The following SLC7A1 variants were observed in gnomAD, a reference collection of about 807,000 sequenced individuals.
SLC7A1 encodes solute carrier family 7 member 1.
A neutral mutation model predicts 53.9 loss-of-function variants in SLC7A1; 10 were observed. The observed-to-expected ratio is 0.19, with a 90% CI of 0.11 to 0.31. The LOEUF (loss-of-function observed/expected upper bound fraction) is 0.31, where lower values mean the gene tolerates loss of function less well. Ranked by LOEUF, SLC7A1 falls within the 10% of genes least tolerant of loss-of-function variation. The pLI is 1.00. For synonymous variants in SLC7A1, 342 were observed against 338.7 expected, an observed-to-expected ratio of 1.01 and a Z score of -0.11; for missense variants, 525 against 827.2, an observed-to-expected ratio of 0.63 and a Z score of 4.48.
chr13:29,526,570 G>A (rs1868902749), intron 5 of SLC7A1, among the ~76,000 whole-genome samples: 1 of 152,162 alleles, frequency 6.6e-6, no homozygotes, highest in South Asian at 2.1e-4. Flanking sequence ...GCAACCATGA[G>A]GCAGAGGCAC....
At chr13:29,567,413 C>T (rs75339078) in intron 1 of SLC7A1, among the ~76,000 whole-genome samples, 2,571 of 152,216 alleles carry the variant, frequency 0.017, 66 homozygotes, top group African/African-American at 0.058. Flanking sequence ...AGTCTGTTAG[C>T]CCAGCCCAGT....
intron 1 of SLC7A1, among the ~76,000 whole-genome samples, chr13:29,555,018 C>T (rs1045285505): frequency 6.6e-5 from 10 of 152,150 alleles, no homozygotes; most frequent in Non-Finnish European, 1.2e-4. Flanking sequence ...CAAGCTATAG[C>T]CACCATGACA....
Position 29,570,438 on chromosome 13 carries a change from C to G in SLC7A1, c.-114-16578G>C, listed in dbSNP as rs1403512668. Among the ~76,000 whole-genome samples, 2 of 152,188 alleles carry G rather than the reference C, an allele frequency of 1.3e-5. 1 individual carries two copies. The highest frequency in any genetic ancestry group is 6.4e-3 in the Middle Eastern group (2 of 314). On this transcript the variant is annotated intron_variant, in intron 1 of 12. Transcript: ENST00000380752. ...GCTGTTTCAGTTCTACCATCTGAAG[C>G]GGGGATAATGACAGTGTCACCCACA...
intron 2 of SLC7A1, among the ~76,000 whole-genome samples, chr13:29,548,523 CT>C (rs1870028503): frequency 6.6e-6 from 1 of 152,168 alleles, no homozygotes; most frequent in South Asian, 2.1e-4. Flanking sequence ...GGATTTACAC[CT>C]TTATTTAGAA....
chr13:29,517,337 C>G (rs1868397424), intron 10 of SLC7A1, 27 bp from the exon 11 acceptor site: 1 of 1,588,306 alleles, frequency 6.3e-7, no homozygotes, highest in Non-Finnish European at 8.6e-7. Flanking sequence ...AGACAGCAAG[C>G]TGCAACTCAA....
chr13:29,521,987 A>G (rs896638613), intron 8 of SLC7A1, among the ~76,000 whole-genome samples: 1 of 152,202 alleles, frequency 6.6e-6, no homozygotes, highest in African/African-American at 2.4e-5. Context: ...TCATGCAGGA[A>G]GGTGTCAGCC....
At chr13:29,517,985 G>A in intron 9 of SLC7A1, among the ~76,000 whole-genome samples, 195 bp from the exon 10 acceptor site, 1 of 152,190 alleles carries the variant, frequency 6.6e-6, no homozygotes, top group South Asian at 2.1e-4. Flanking sequence ...TGCTTCTGGG[G>A]AACATCCTCC....
rs1036779156 is a variant in SLC7A1 at position 29,514,155 on chromosome 13, C to T, written c.*325G>A. ...TCCCAAGATAAGGAGAGAAGGTGAC[C>T]TCCGTTCTGCCTGAGGCTGCGGCAG... On this transcript the variant is annotated 3_prime_UTR_variant, in exon 13 of 13. Transcript: ENST00000380752. The T allele has an allele frequency of 1.2e-5, 4 of 329,896 alleles. No individual in the cohort carries two copies. The highest frequency in any genetic ancestry group is 2.3e-5 in the Non-Finnish European group (4 of 175,986). The allele number at this position is 329,896 out of a possible 1,614,324, so 20.4% of individuals were successfully genotyped here. A position where few individuals can be genotyped will look rare whatever the true frequency, so the allele number is the denominator to read the frequency against.
intron 2 of SLC7A1, among the ~76,000 whole-genome samples, chr13:29,538,591 C>T (rs546914411): frequency 6.6e-6 from 1 of 152,330 alleles, no homozygotes; most frequent in East Asian, 1.9e-4. Flanking sequence ...CCTAGTGCTG[C>T]TGGGACCCCA....
chr13:29,571,656 A>G (rs193302287), intron 1 of SLC7A1, among the ~76,000 whole-genome samples: 8 of 152,352 alleles, frequency 5.3e-5, no homozygotes, highest in African/African-American at 1.7e-4. Flanking sequence ...TGCTTTACCT[A>G]TTCCACCAGA....
In SLC7A1 at chr13:29,569,924, A is replaced by G. The variant is rs558623; in HGVS notation, c.-114-16064T>C. Among the ~76,000 whole-genome samples the G allele has an allele frequency of 3.5e-3, 527 of 152,334 alleles. 4 individuals carry two copies. Among genetic ancestry groups the G allele is most frequent in the African/African-American group, 0.012 (494 of 41,592 alleles). On this transcript the variant is annotated intron_variant, in intron 1 of 12. Transcript: ENST00000380752. ...CATGGCTGGCCAGGCTCCAACCAGC[A>G]AACAAAGCACACGGCTGCTGGCTAG...
At chr13:29,587,606 C>A in intron 1 of SLC7A1, among the ~76,000 whole-genome samples, 1 of 152,228 alleles carries the variant, frequency 6.6e-6, no homozygotes, top group Non-Finnish European at 1.5e-5. Flanking sequence ...CTGCCAAGTC[C>A]AGGAAGCAAG....
intron 2 of SLC7A1, among the ~76,000 whole-genome samples, chr13:29,540,644 A>ACTC (rs1869624607): frequency 6.6e-6 from 1 of 152,098 alleles, no homozygotes; most frequent in Non-Finnish European, 1.5e-5. Flanking sequence ...GTTATACGAC[A>ACTC]CTCGGAAATG....
chr13:29,543,668 G>A (rs1869772008), intron 2 of SLC7A1, among the ~76,000 whole-genome samples: 1 of 151,880 alleles, frequency 6.6e-6, no homozygotes, highest in Admixed American at 6.6e-5. Context: ...GGGTGGGGAG[G>A]AGGCAGGGAT....
At chr13:29,515,724 A>C (rs564972077) in intron 12 of SLC7A1, among the ~76,000 whole-genome samples, 21 of 152,326 alleles carry the variant, frequency 1.4e-4, no homozygotes, top group African/African-American at 3.6e-4. Flanking sequence ...CATAGGCTCC[A>C]AAGCACTCTC....
chr13:29,583,128 G>C (rs746074883), intron 1 of SLC7A1, among the ~76,000 whole-genome samples: 1 of 152,162 alleles, frequency 6.6e-6, no homozygotes, highest in Non-Finnish European at 1.5e-5. Context: ...ATTAGGTCTA[G>C]ACCTGGCAGC....
intron 1 of SLC7A1, among the ~76,000 whole-genome samples, chr13:29,594,555 A>C (rs1287162983): frequency 6.6e-6 from 1 of 152,238 alleles, no homozygotes; most frequent in Non-Finnish European, 1.5e-5. Flanking sequence ...CGCAGGTTTT[A>C]GAATGACTCT....
intron 3 of SLC7A1, 127 bp from the exon 4 acceptor site, chr13:29,533,109 A>C (rs1319473974): frequency 1.1e-6 from 1 of 913,174 alleles, no homozygotes; most frequent in African/African-American, 1.7e-5. Flanking sequence ...TGGCAGCAGC[A>C]GCCAGACCAC....
At chr13:29,541,998 T>C (rs146065230) in intron 2 of SLC7A1, among the ~76,000 whole-genome samples, 7 of 152,354 alleles carry the variant, frequency 4.6e-5, no homozygotes, top group African/African-American at 1.7e-4. Context: ...CTATTCACTA[T>C]CATAATACTT....
Sources: allele counts gnomAD v4.1 joint callset (sites outside exome capture counted in the v4.1 genomes callset), GRCh38; gene constraint gnomAD v4.1.1; transcripts MANE v1.5; gene names NCBI Gene and HGNC (gene_info 2026-07-23, HGNC 2026-07-21).